The following OXNAD1 variants were observed in gnomAD, a reference collection of about 807,000 sequenced individuals.
The protein encoded by OXNAD1 is oxidoreductase NAD binding domain containing 1.
Under a neutral mutation model 32.9 loss-of-function variants are expected in OXNAD1, and 34 were observed. That is an observed-to-expected ratio of 1.03 (90% CI 0.79 to 1.38). The LOEUF is 1.38. Ranked by LOEUF, OXNAD1 falls within the 40% of genes most tolerant of loss-of-function variation. The pLI, the probability that OXNAD1 is intolerant of heterozygous loss-of-function variation, is 0.00. For missense variants in OXNAD1, 407 were observed against 379.4 expected (o/e 1.07, Z -0.60); for synonymous variants, 134 against 135.2 (o/e 0.99, Z 0.06).
rs180979564 is a variant in OXNAD1 at position 16,297,003 on chromosome 3, A to G, written c.432+2006A>G. On this transcript the variant is annotated intron_variant, in intron 6 of 8. Coordinates refer to ENST00000285083, the MANE Select transcript of OXNAD1 (RefSeq NM_138381.5). This position sits in a 1 kb window ranked among gnomAD's most constrained non-coding sequence, Gnocchi z 4.3. ...AAAGGTTGATGATAGGACATGGTCA[A>G]AAGTAAAACTTTTTCTACAAAAGGC... Among the ~76,000 whole-genome samples, 209 of 152,360 alleles carry G rather than the reference A, an allele frequency of 1.4e-3. No individual in the cohort carries two copies. Among genetic ancestry groups the G allele is most frequent in the African/African-American group, 4.9e-3 (202 of 41,602 alleles).
In OXNAD1 at chr3:16,345,775, TTATAA is replaced by T. The variant is rs1219984194; in HGVS notation, c.*31-3398_*31-3394del. Among the ~76,000 whole-genome samples, 1 of 149,808 alleles carries T rather than the reference TTATAA, an allele frequency of 6.7e-6. No individual in the cohort carries two copies. The highest frequency in any genetic ancestry group is 1.5e-5 in the Non-Finnish European group (1 of 67,376). On this transcript the variant is annotated intron_variant, in intron 9 of 9. Transcript: ENST00000606098. The surrounding 1 kb of genome is among the most constrained non-coding windows in gnomAD (Gnocchi z 5.2). Reference sequence around the variant, plus strand: ...CTCCATAATCACATGAGCCAAAACCTTATAATAAATCTCTGTGTGTGTGTGTGTGT... The same window carrying T: ...CTCCATAATCACATGAGCCAAAACCTTAAATCTCTGTGTGTGTGTGTGTGT...
rs766260986 is a variant in OXNAD1, at chr3:16,302,646, A to G, written c.682A>G (p.Ile228Val). 3.7e-6 allele frequency: 6 copies of G among 1,607,696 alleles called. No individual in the cohort carries two copies. The East Asian group carries it at 1.1e-4, about 30-fold the overall frequency. Residue 228 changes from isoleucine (I) to valine (V), a missense_variant, in exon 8 of 9, where the codon ATC becomes GTC. Physicochemically the swap from Ile to Val is conservative, Grantham distance 29. Transcript: ENST00000285083. This position sits in a 1 kb window ranked among gnomAD's most constrained non-coding sequence, Gnocchi z 4.2. Reference sequence around the variant, plus strand: ...AATATGTTTGACATTCCAGAAAAATATCCTTGATTTAGTAAATGAATTTCC... The same window carrying G: ...AATATGTTTGACATTCCAGAAAAATGTCCTTGATTTAGTAAATGAATTTCC... ...NTSELLFKKN[I>V]LDLVNEFPEK...
At chr3:16,278,008 T>A (rs910930067) in intron 4 of OXNAD1, among the ~76,000 whole-genome samples, 3 of 152,254 alleles carry the variant, frequency 2.0e-5, no homozygotes, top group African/African-American at 7.2e-5. Context: ...GAGGGGGTCA[T>A]TCCGTGCTTG....
chr3:16,309,451 CT>C (rs1358702861), downstream of OXNAD1, among the ~76,000 whole-genome samples: 1 of 151,788 alleles, frequency 6.6e-6, no homozygotes, highest in Non-Finnish European at 1.5e-5. Context: ...TTTTTTTCCC[CT>C]AATCAGTTAG....
At chr3:16,333,371 G>A (rs1347284892) in intron 9 of OXNAD1, among the ~76,000 whole-genome samples, 1 of 152,164 alleles carries the variant, frequency 6.6e-6, no homozygotes, top group Non-Finnish European at 1.5e-5. Context: ...GTTTGCAAAT[G>A]GCCACAAAAT....
chr3:16,317,111 G>A lies in OXNAD1; in HGVS notation c.*30+13519G>A. 6.2e-7 allele frequency: 1 copy of A among 1,613,906 alleles called. No homozygotes were observed. Among genetic ancestry groups the A allele is most frequent in the Non-Finnish European group, 8.5e-7 (1 of 1,180,008 alleles). On this transcript the variant is annotated intron_variant, in intron 9 of 9. Transcript: ENST00000435829. This position sits in a 1 kb window ranked among gnomAD's most constrained non-coding sequence, Gnocchi z 4.3. ...GTTTCCCATGTCTCCAGCTTTGGAA[G>A]ACTGGTCTTCTAAGTTCTTCTCATT...
At chr3:16,308,411 A>G (rs923102058), downstream of OXNAD1, among the ~76,000 whole-genome samples, 3 of 152,104 alleles carry the variant, frequency 2.0e-5, no homozygotes, top group African/African-American at 7.2e-5. The surrounding 1 kb of genome is among the most constrained non-coding windows in gnomAD (Gnocchi z 4.4). Flanking sequence ...GTGTGGATGC[A>G]GTGATTGTCA....
chr3:16,290,809 G>T lies in OXNAD1; in HGVS notation c.291-4047G>T, dbSNP rs1262579814. Among the ~76,000 whole-genome samples, 1 of 152,188 alleles carries T rather than the reference G, an allele frequency of 6.6e-6. No homozygotes were observed. Among genetic ancestry groups the T allele is most frequent in the Non-Finnish European group, 1.5e-5 (1 of 68,022 alleles). On this transcript the variant is annotated intron_variant, in intron 5 of 8. Transcript: ENST00000285083. This position sits in a 1 kb window ranked among gnomAD's most constrained non-coding sequence, Gnocchi z 4.2. ...GACTGGAAATGTAAGGCCATAGACT[G>T]CAGGAGAATATTTTTTTAAGGTCAT...
At chr3:16,266,362 C>T (rs1419817174) in intron 1 of OXNAD1, among the ~76,000 whole-genome samples, 1 of 152,090 alleles carries the variant, frequency 6.6e-6, no homozygotes, top group Non-Finnish European at 1.5e-5. Flanking sequence ...CTAAACTTTA[C>T]ATTTATTCCT....
At chr3:16,326,624 G>C in intron 9 of OXNAD1, 1 of 620,002 alleles carries the variant, frequency 1.6e-6, no homozygotes, top group South Asian at 2.0e-5. Flanking sequence ...TGAAATTCTG[G>C]CTCTGCTGCT....
In OXNAD1 at chr3:16,322,361, C is replaced by T. The variant is rs1267332277; in HGVS notation, c.*31-14751C>T. Among the ~76,000 whole-genome samples the T allele has an allele frequency of 6.6e-6, 1 of 152,216 alleles. No individual in the cohort carries two copies. Among genetic ancestry groups the T allele is most frequent in the Admixed American group, 6.5e-5 (1 of 15,286 alleles). ...GGAGTTGTTGGCTGGTGAGGGGCTG[C>T]TCCAATCTGTTCATTTACTTGATGC... On this transcript the variant is annotated intron_variant, in intron 9 of 9. Coordinates refer to the OXNAD1 transcript ENST00000435829. This position sits in a 1 kb window ranked among gnomAD's most constrained non-coding sequence, Gnocchi z 6.2.
At chr3:16,272,751 A>G (rs1316829277) in intron 4 of OXNAD1, among the ~76,000 whole-genome samples, 1 of 149,428 alleles carries the variant, frequency 6.7e-6, no homozygotes, top group African/African-American at 2.5e-5. Flanking sequence ...ATCTGAAAAT[A>G]CTTTTTTTTT....
Position 16,344,576 on chromosome 3 carries a change from A to G in OXNAD1, c.*31-4600A>G, listed in dbSNP as rs1413472719. The stretch of plus-strand genomic sequence containing the variant: ...ATTCTTAGATCCCAAGGGCCACCCA[A>G]GGTATTCTGTGGCCTCCCAGAATCA... On this transcript the variant is annotated intron_variant, in intron 9 of 9. Coordinates refer to the OXNAD1 transcript ENST00000606098. The surrounding 1 kb of genome is among the most constrained non-coding windows in gnomAD (Gnocchi z 4.4). Among the ~76,000 whole-genome samples, 6 of 152,110 alleles carry G rather than the reference A, an allele frequency of 3.9e-5. No homozygotes were observed. Among genetic ancestry groups the G allele is most frequent in the East Asian group, 1.9e-4 (1 of 5,178 alleles).
chr3:16,303,278 G>T lies in OXNAD1; in HGVS notation c.785-130G>T. 9.2e-7 allele frequency: 1 copy of T among 1,087,556 alleles called. No individual in the cohort carries two copies. The highest frequency in any genetic ancestry group is 2.2e-5 in the Admixed American group (1 of 45,016). 67.4% of individuals were successfully genotyped at this position (1,087,556 alleles called of 1,614,324 possible). On this transcript the variant is annotated intron_variant, in intron 8 of 8. Coordinates refer to ENST00000285083, the MANE Select transcript of OXNAD1 (RefSeq NM_138381.5). This position sits in a 1 kb window ranked among gnomAD's most constrained non-coding sequence, Gnocchi z 4.8. ...CAGATGCCAATAGGAGCCATACTGT[G>T]AATGGCTTAAGAAGACTAGACTCAC...
In OXNAD1 at chr3:16,284,902, A is replaced by G. The variant is rs1401522987; in HGVS notation, c.184-1440A>G. 1.3e-5 allele frequency among the ~76,000 whole-genome samples: 2 copies of G among 152,244 alleles called. No homozygotes were observed. Among genetic ancestry groups the G allele is most frequent in the Non-Finnish European group, 2.9e-5 (2 of 68,044 alleles). Reference sequence around the variant, plus strand: ...TGTTGCTGAATTGCTTTGAATTGCAAATGGCATTAGATGTAATCTTTGATG... The same window carrying G: ...TGTTGCTGAATTGCTTTGAATTGCAGATGGCATTAGATGTAATCTTTGATG... On this transcript the variant is annotated intron_variant, in intron 4 of 8. Coordinates refer to ENST00000285083, the MANE Select transcript of OXNAD1 (RefSeq NM_138381.5). The surrounding 1 kb of genome is among the most constrained non-coding windows in gnomAD (Gnocchi z 4.1).
At chr3:16,311,558 T>C (rs2067984764) in intron 9 of OXNAD1, among the ~76,000 whole-genome samples, 1 of 152,178 alleles carries the variant, frequency 6.6e-6, no homozygotes, top group African/African-American at 2.4e-5. Flanking sequence ...CACTGGAGTA[T>C]TTATTACTCT....
In OXNAD1 at chr3:16,284,285, ATTAAT is replaced by A. The variant is rs980375602; in HGVS notation, c.184-2054_184-2050del. On this transcript the variant is annotated intron_variant, in intron 4 of 8. Coordinates refer to ENST00000285083, the MANE Select transcript of OXNAD1 (RefSeq NM_138381.5). The surrounding 1 kb of genome is among the most constrained non-coding windows in gnomAD (Gnocchi z 4.1). ...TAATATATAATGTAAACAAATGCTA[ATTAAT>A]TTTAATTAAGACAATGAAATACAGT... Among the ~76,000 whole-genome samples, 25 of 152,322 alleles carry A rather than the reference ATTAAT, an allele frequency of 1.6e-4. No homozygotes were observed. The highest frequency in any genetic ancestry group is 2.9e-4 in the Non-Finnish European group (20 of 68,028).
At position 16,316,578 on chromosome 3, in the gene OXNAD1, G is replaced by C; in HGVS notation, c.*30+12986G>C. The C allele has an allele frequency of 5.5e-6, 3 of 540,922 alleles. No homozygotes were observed. The South Asian group carries it at 6.1e-5, about 11-fold the overall frequency. 33.5% of individuals were successfully genotyped at this position (540,922 alleles called of 1,614,324 possible). A position where few individuals can be genotyped will look rare whatever the true frequency, so the allele number is the denominator to read the frequency against. On this transcript the variant is annotated intron_variant, in intron 9 of 9. Transcript: ENST00000435829. The surrounding 1 kb of genome is among the most constrained non-coding windows in gnomAD (Gnocchi z 4.5). Reference sequence around the variant, plus strand: ...GCCAGGACTGGGCCTTCAGCCATGAGGGCTAGAATAACCTGACCTCTTGCA... The same window carrying C: ...GCCAGGACTGGGCCTTCAGCCATGACGGCTAGAATAACCTGACCTCTTGCA...
intron 4 of OXNAD1, among the ~76,000 whole-genome samples, chr3:16,276,826 C>T (rs1285629760): frequency 6.6e-6 from 1 of 151,932 alleles, no homozygotes; most frequent in South Asian, 2.1e-4. Flanking sequence ...TTTTAGTGCC[C>T]ACAAGTCAGA....
Sources: gnomAD v4.1 joint callset for allele counts (sites outside exome capture counted in the v4.1 genomes callset) on GRCh38, gnomAD v4.1.1 for gene constraint, Gnocchi (gnomAD v3.1) non-coding constraint, MANE v1.5 for transcripts, NCBI Gene and HGNC (gene_info 2026-07-23, HGNC 2026-07-21) for gene names.